Variants in TRPC6 observed in about 807,000 individuals in gnomAD.
TRPC6 encodes the protein short transient receptor potential channel 6.
Under a neutral mutation model 90.7 loss-of-function variants are expected in TRPC6, and 55 were observed. That is an observed-to-expected ratio of 0.61 (90% CI 0.49 to 0.76). TRPC6 has a LOEUF of 0.76. Ranked by LOEUF, TRPC6 falls within the 30% of genes least tolerant of loss-of-function variation. TRPC6 has a pLI of 0.00. For missense variants in TRPC6, 989 were observed against 1,122.7 expected (o/e 0.88, Z 1.70); for synonymous variants, 393 against 393.0 (o/e 1.00, Z 0.00).
At chr11:101,551,023 C>A (rs1217932735) in intron 1 of TRPC6, among the ~76,000 whole-genome samples, 2 of 151,656 alleles carry the variant, frequency 1.3e-5, no homozygotes, top group Non-Finnish European at 3.0e-5. Flanking sequence ...TCATTAAGAG[C>A]AACTATATGA....
chr11:101,461,391 C>T (rs1002472452), intron 10 of TRPC6, among the ~76,000 whole-genome samples: 4 of 151,992 alleles, frequency 2.6e-5, no homozygotes, highest in African/African-American at 7.2e-5. Flanking sequence ...GGCAACATGG[C>T]GAAACCCCAT....
intron 9 of TRPC6, 24 bp from the exon 10 acceptor site, chr11:101,469,525 G>T (rs1346265825): frequency 4.1e-6 from 3 of 736,750 alleles, no homozygotes; most frequent in South Asian, 1.4e-5. Context: ...ATAGTAAAAT[G>T]AGTATAACTG....
chr11:101,528,078 A>AAT (rs1337107541), intron 1 of TRPC6, among the ~76,000 whole-genome samples: 32 of 151,770 alleles, frequency 2.1e-4, no homozygotes, highest in East Asian at 5.8e-4. Flanking sequence ...ATCTCAAAAA[A>AAT]ATATATATAT....
intron 1 of TRPC6, among the ~76,000 whole-genome samples, chr11:101,570,415 C>A (rs9693957): frequency 1.6e-4 from 24 of 152,214 alleles, no homozygotes; most frequent in African/African-American, 5.1e-4. Flanking sequence ...CAGAACCAGA[C>A]GGATTTACAG....
chr11:101,560,574 C>T (rs1212739303), intron 1 of TRPC6, among the ~76,000 whole-genome samples: 1 of 152,092 alleles, frequency 6.6e-6, no homozygotes, highest in Non-Finnish European at 1.5e-5. Context: ...AGGTATATTA[C>T]TAAGCCATAG....
intron 1 of TRPC6, among the ~76,000 whole-genome samples, chr11:101,509,711 C>T (rs1387976252): frequency 6.6e-6 from 1 of 151,842 alleles, no homozygotes; most frequent in Non-Finnish European, 1.5e-5. Context: ...AAGATATTTC[C>T]GTAGAATTTT....
chr11:101,461,508 G>A (rs1473157253), intron 10 of TRPC6, among the ~76,000 whole-genome samples: 1 of 152,192 alleles, frequency 6.6e-6, no homozygotes, highest in Non-Finnish European at 1.5e-5. Context: ...GGAGGTCCAG[G>A]CTGCAGCAAG....
intron 1 of TRPC6, among the ~76,000 whole-genome samples, chr11:101,523,225 T>TCTAAAACTA (rs1860701977): frequency 6.6e-6 from 1 of 152,242 alleles, no homozygotes; most frequent in Non-Finnish European, 1.5e-5. Context: ...GACCAACCTG[T>TCTAAAACTA]GGCTGTTCAC....
At chr11:101,562,619 T>C (rs1861739750) in intron 1 of TRPC6, among the ~76,000 whole-genome samples, 1 of 152,192 alleles carries the variant, frequency 6.6e-6, no homozygotes, top group African/African-American at 2.4e-5. Flanking sequence ...GCCTTACTCA[T>C]ATGTAGGTAG....
Position 101,453,676 on chromosome 11 carries a change from T to C in TRPC6, c.2618A>G (p.Asp873Gly). The change falls in exon 12 of 13, where the codon GAT (aspartate) becomes GGT (glycine). Residue 873 changes from aspartate to glycine, a missense_variant. Physicochemically the swap from Asp to Gly is moderately conservative, Grantham distance 94. Around this residue, in one of 4 missense-constraint regions of TRPC6, gnomAD observed 191 missense variants for 196.7 expected, o/e 0.97. Coordinates refer to ENST00000344327, the MANE Select transcript of TRPC6 (RefSeq NM_004621.6). ...TTCGTTCACTTCATCACTCTCCTTA[T>C]CTATCTGGGCCTGCAGTACATATCT... ...IKRYVLQAQIDKESDEVNEGE... is the reference protein window; with the variant it reads ...IKRYVLQAQIGKESDEVNEGE... 6.2e-7 allele frequency: 1 copy of C among 1,613,980 alleles called. No individual in the cohort carries two copies. Among genetic ancestry groups the C allele is most frequent in the Non-Finnish European group, 8.5e-7 (1 of 1,179,884 alleles).
At chr11:101,551,917 G>A (rs1861458927) in intron 1 of TRPC6, among the ~76,000 whole-genome samples, 1 of 152,176 alleles carries the variant, frequency 6.6e-6, no homozygotes, top group East Asian at 1.9e-4. Context: ...GTTAGTGCAG[G>A]TACCATCCCA....
At chr11:101,573,956 G>A (rs1195341158) in intron 1 of TRPC6, among the ~76,000 whole-genome samples, 1 of 126,482 alleles carries the variant, frequency 7.9e-6, no homozygotes, top group Admixed American at 7.9e-5. Flanking sequence ...GTGTGTGTGT[G>A]TATGTGTGTG....
chr11:101,536,455 G>A (rs17096881), intron 1 of TRPC6, among the ~76,000 whole-genome samples: 1,787 of 150,778 alleles, frequency 0.012, 32 homozygotes, highest in African/African-American at 0.041. Context: ...TGCTCAGAGT[G>A]TGGTAAGAAC....
At chr11:101,567,346 T>C (rs573426160) in intron 1 of TRPC6, among the ~76,000 whole-genome samples, 1,038 of 89,952 alleles carry the variant, frequency 0.012, 16 homozygotes, top group African/African-American at 0.037. Context: ...AGGGCATCTC[T>C]GAAAAAAAAA....
chr11:101,469,416 T>C lies in TRPC6; in HGVS notation c.2484+11A>G. ...ATGTGCATGACTTCATATTTTCAAA[T>C]ATGAGCTTACCTGTTTTTTGTCAAG... On this transcript the variant is annotated intron_variant, in intron 10 of 12. Transcript: ENST00000344327. The C allele has an allele frequency of 1.3e-6, 1 of 767,252 alleles. No homozygotes were observed. The highest frequency in any genetic ancestry group is 2.4e-5 in the East Asian group (1 of 40,974). The allele number at this position is 767,252 out of a possible 1,614,324, so 47.5% of individuals were successfully genotyped here.
intron 10 of TRPC6, among the ~76,000 whole-genome samples, chr11:101,464,565 C>G (rs1221206929): frequency 6.6e-6 from 1 of 152,010 alleles, no homozygotes; most frequent in Non-Finnish European, 1.5e-5. Context: ...GTCTTTTGTT[C>G]TTTGTTGGTT....
rs60003016 is a variant in TRPC6 at position 101,472,536 on chromosome 11, G to T, written c.2010-204C>A. On this transcript the variant is annotated intron_variant, in intron 7 of 12. Transcript: ENST00000344327. The stretch of plus-strand genomic sequence containing the variant: ...GATGGGGTAATATTGTGCATATGAA[G>T]TACATAATCATAGCTCAATATCTAA... 3.4e-4 allele frequency among the ~76,000 whole-genome samples: 51 copies of T among 152,146 alleles called. 3 individuals carry two copies. In the East Asian group the frequency reaches 9.3e-3, roughly 28 times the overall value.
At chr11:101,467,962 C>T (rs991109499) in intron 10 of TRPC6, among the ~76,000 whole-genome samples, 4 of 152,162 alleles carry the variant, frequency 2.6e-5, no homozygotes, top group African/African-American at 9.7e-5. Flanking sequence ...TTATTGGAAT[C>T]ATTTTTAAAT....
chr11:101,508,188 T>A (rs1860317686), intron 1 of TRPC6, among the ~76,000 whole-genome samples: 1 of 152,142 alleles, frequency 6.6e-6, no homozygotes, highest in African/African-American at 2.4e-5. Context: ...AACTTACTCC[T>A]GAGTTGCTTT....
Sources: gnomAD v4.1 joint callset for allele counts (sites outside exome capture counted in the v4.1 genomes callset) on GRCh38, gnomAD v4.1.1 for gene constraint, gnomAD v4.1.1 regional missense constraint, MANE v1.5 for transcripts, NCBI Gene and HGNC (gene_info 2026-07-23, HGNC 2026-07-21) for gene names.